DACH2: variants seen among roughly 807,000 people sequenced by gnomAD.
DACH2 encodes the protein dachshund family transcription factor 2, also known as dachshund homolog 2.
A neutral mutation model predicts 35.8 loss-of-function variants in DACH2; 17 were observed. The observed-to-expected ratio is 0.48, with a 90% confidence interval of 0.33 to 0.71. DACH2 has a LOEUF of 0.71. Among genes scored for constraint, DACH2 ranks in the 30% least tolerant of loss-of-function variants. DACH2 has a pLI of 0.02. For synonymous variants in DACH2, 195 were observed against 177.3 expected, an observed-to-expected ratio of 1.10 and a Z score of -0.79; for missense variants, 469 against 472.7, an observed-to-expected ratio of 0.99 and a Z score of 0.07.
chrX:86,445,821 T>C (rs1486193870), intron 2 of DACH2, among the ~76,000 whole-genome samples: 4 of 110,916 alleles, frequency 3.6e-5, no homozygotes, highest in South Asian at 3.8e-4. Flanking sequence ...GTTGAGAAGG[T>C]TGTATATTCT....
chrX:86,405,916 C>T (rs777005287), intron 2 of DACH2, among the ~76,000 whole-genome samples: 20 of 111,192 alleles, frequency 1.8e-4, no homozygotes, highest in South Asian at 3.8e-4. Flanking sequence ...ATGGTGGTGG[C>T]GGCAAGGAGA....
chrX:86,320,129 G>A (rs1225979057), intron 1 of DACH2, among the ~76,000 whole-genome samples: 2 of 111,275 alleles, frequency 1.8e-5, no homozygotes, highest in Non-Finnish European at 3.8e-5. Context: ...GGAGTCCCTG[G>A]CCACCAGAAG....
At chrX:86,600,964 G>A (rs1218551713) in intron 3 of DACH2, among the ~76,000 whole-genome samples, 1 of 111,484 alleles carries the variant, frequency 9.0e-6, no homozygotes, top group East Asian at 2.8e-4. Flanking sequence ...TGTGGTCAGA[G>A]AGGGAGATTC....
At chrX:86,173,443 A>G (rs2031192284) in intron 1 of DACH2, among the ~76,000 whole-genome samples, 1 of 111,721 alleles carries the variant, frequency 9.0e-6, no homozygotes, top group Non-Finnish European at 1.9e-5. Context: ...TTTAAATAGG[A>G]TGGGCATTGT....
At chrX:86,183,455 C>A (rs5968819) in intron 1 of DACH2, among the ~76,000 whole-genome samples, 7,909 of 111,825 alleles carry the variant, frequency 0.071, 693 homozygotes, top group African/African-American at 0.24. Flanking sequence ...GTCATTGGTT[C>A]TGTTTATGTG....
intron 3 of DACH2, among the ~76,000 whole-genome samples, chrX:86,599,153 G>A (rs181187558): frequency 0.045 from 4,980 of 110,917 alleles, 258 homozygotes; most frequent in African/African-American, 0.15. Flanking sequence ...TAATGGCTGC[G>A]TAGTATTCCA....
At chrX:86,197,665 A>T (rs1305228955) in intron 1 of DACH2, among the ~76,000 whole-genome samples, 1 of 111,837 alleles carries the variant, frequency 8.9e-6, no homozygotes, top group Non-Finnish European at 1.9e-5. Flanking sequence ...AAAAAGACAA[A>T]AAAAAGAGAG....
intron 7 of DACH2, among the ~76,000 whole-genome samples, chrX:86,786,300 T>A (rs1322611635): frequency 1.8e-5 from 2 of 111,587 alleles, no homozygotes; most frequent in Non-Finnish European, 3.8e-5. Flanking sequence ...TATTAAGTAG[T>A]AGAGTGGAGA....
At chrX:86,712,906 C>G (rs1275664956) in intron 5 of DACH2, among the ~76,000 whole-genome samples, 1 of 111,285 alleles carries the variant, frequency 9.0e-6, no homozygotes, top group Non-Finnish European at 1.9e-5. Context: ...GAGTTCCACG[C>G]AGAATTTAAG....
intron 2 of DACH2, among the ~76,000 whole-genome samples, chrX:86,509,197 G>A (rs937860045): frequency 1.8e-5 from 2 of 111,098 alleles, no homozygotes; most frequent in African/African-American, 3.3e-5. Context: ...GATCTGAAAA[G>A]GGTAGAAAAT....
chrX:86,454,466 G>C (rs2037437821), intron 2 of DACH2, among the ~76,000 whole-genome samples: 1 of 111,817 alleles, frequency 8.9e-6, no homozygotes, highest in Non-Finnish European at 1.9e-5. Flanking sequence ...CAAAGGTTTT[G>C]TCATTTCTTG....
intron 2 of DACH2, among the ~76,000 whole-genome samples, chrX:86,502,013 TC>T (rs1340421652): frequency 2.8e-5 from 1 of 35,273 alleles, no homozygotes; most frequent in Non-Finnish European, 5.3e-5. Flanking sequence ...TTTCCTTCTT[TC>T]CTTCCTTCCT....
intron 1 of DACH2, among the ~76,000 whole-genome samples, chrX:86,319,162 A>C (rs1438341116): frequency 8.9e-6 from 1 of 111,907 alleles, no homozygotes; most frequent in Non-Finnish European, 1.9e-5. Context: ...TTCAGAGTTT[A>C]ATTTACAGAA....
intron 3 of DACH2, among the ~76,000 whole-genome samples, chrX:86,635,623 A>G (rs2040255748): frequency 8.9e-6 from 1 of 111,799 alleles, no homozygotes; most frequent in South Asian, 3.7e-4. Context: ...TCCTATATCT[A>G]GAAAACCCCA....
In DACH2 at chrX:86,230,250, G is replaced by C. The variant is rs772408689; in HGVS notation, c.488+81142G>C. On this transcript the variant is annotated intron_variant, in intron 1 of 11. Coordinates refer to ENST00000373125, the MANE Select transcript of DACH2 (RefSeq NM_053281.3). ...GATTTTTGTTTTTAATTCTGTTTAT[G>C]TGGTGAATCACATTTATTGGCTTGC... Among the ~76,000 whole-genome samples, 32 of 111,175 alleles carry C rather than the reference G, an allele frequency of 2.9e-4. 1 individual carries two copies. The highest frequency in any genetic ancestry group is 2.9e-4 in the Admixed American group (3 of 10,460).
In DACH2 at chrX:86,569,437, T is replaced by C. The variant is rs181370723; in HGVS notation, c.640+55046T>C. On this transcript the variant is annotated intron_variant, in intron 3 of 11. Transcript: ENST00000373125. The stretch of plus-strand genomic sequence containing the variant: ...TCAAAAACAAACTAACCAAACCAAA[T>C]TGAAATGAAAATATATCGTTTCTAA... Among the ~76,000 whole-genome samples, 192 of 111,113 alleles carry C rather than the reference T, an allele frequency of 1.7e-3. 2 individuals carry two copies. Among genetic ancestry groups the C allele is most frequent in the Admixed American group, 0.016 (166 of 10,342 alleles).
intron 7 of DACH2, among the ~76,000 whole-genome samples, chrX:86,764,204 G>T (rs2041910532): frequency 8.9e-6 from 1 of 112,065 alleles, no homozygotes; most frequent in South Asian, 3.7e-4. Context: ...TTATATATAT[G>T]AATTTTCTTT....
At position 86,243,033 on chromosome X, in the gene DACH2, G is replaced by A. The variant is rs180753838; in HGVS notation, c.488+93925G>A. 1.3e-3 allele frequency among the ~76,000 whole-genome samples: 141 copies of A among 111,558 alleles called. 1 individual carries two copies. The highest frequency in any genetic ancestry group is 4.5e-3 in the African/African-American group (138 of 30,695). On this transcript the variant is annotated intron_variant, in intron 1 of 11. Coordinates refer to ENST00000373125, the MANE Select transcript of DACH2 (RefSeq NM_053281.3). Reference sequence around the variant, plus strand: ...TAGTTCTTTATTACAGTGTGAGAATGGACTAATATAGATGGGGGTCTCACT... The same window carrying A: ...TAGTTCTTTATTACAGTGTGAGAATAGACTAATATAGATGGGGGTCTCACT...
intron 3 of DACH2, among the ~76,000 whole-genome samples, chrX:86,531,396 G>A (rs1027447796): frequency 9.0e-6 from 1 of 111,431 alleles, no homozygotes; most frequent in African/African-American, 3.3e-5. Flanking sequence ...TCTGTGGGGT[G>A]GGCCTAAGGT....
Sources: gnomAD v4.1 joint callset for allele counts (sites outside exome capture counted in the v4.1 genomes callset) on GRCh38, gnomAD v4.1.1 for gene constraint, MANE v1.5 for transcripts, NCBI Gene and HGNC (gene_info 2026-07-23, HGNC 2026-07-21) for gene names.